The following CNTLN variants were observed in gnomAD, a reference collection of about 807,000 sequenced individuals.
The protein encoded by CNTLN is centlein.
A neutral mutation model predicts 180.0 loss-of-function variants in CNTLN; 212 were observed. The ratio of observed to expected loss-of-function variants is 1.18; its 90% CI spans 1.05 to 1.32. The LOEUF (loss-of-function observed/expected upper bound fraction) is 1.32. Among genes scored for constraint, CNTLN ranks in the 40% most tolerant of loss-of-function variants. The pLI is 0.00. For synonymous variants in CNTLN, 722 were observed against 563.1 expected (o/e 1.28, Z -3.99); for missense variants, 2,095 against 1,610.9 (o/e 1.30, Z -5.14).
At chr9:17,306,402 G>T (rs1178718433) in intron 7 of CNTLN, among the ~76,000 whole-genome samples, 3 of 152,182 alleles carry the variant, frequency 2.0e-5, no homozygotes, top group Non-Finnish European at 2.9e-5. Flanking sequence ...GCCAGCCTCG[G>T]TCTCCCAAAG....
chr9:17,412,779 G>T (rs1827947497), intron 16 of CNTLN, among the ~76,000 whole-genome samples: 1 of 152,104 alleles, frequency 6.6e-6, no homozygotes, highest in African/African-American at 2.4e-5. Flanking sequence ...GATACCCATT[G>T]TATGTCAGGA....
chr9:17,487,318 C>T (rs1423040998), intron 25 of CNTLN: 2 of 447,724 alleles, frequency 4.5e-6, no homozygotes, highest in Non-Finnish European at 8.0e-6. Context: ...TTGAGTCAAC[C>T]TCTGTGCTTG....
At chr9:17,163,789 C>T (rs1449629148) in intron 2 of CNTLN, among the ~76,000 whole-genome samples, 7 of 152,058 alleles carry the variant, frequency 4.6e-5, no homozygotes, top group African/African-American at 1.2e-4. Flanking sequence ...GCACTTTGGG[C>T]GGCTGAGGCA....
intron 2 of CNTLN, among the ~76,000 whole-genome samples, chr9:17,144,836 A>AT (rs1846393384): frequency 1.3e-5 from 2 of 149,402 alleles, no homozygotes; most frequent in African/African-American, 2.5e-5. Flanking sequence ...TATTTTTTTT[A>AT]TTTTATTTTT....
intron 8 of CNTLN, among the ~76,000 whole-genome samples, chr9:17,312,307 T>C (rs1490176549): frequency 1.4e-5 from 2 of 145,810 alleles, no homozygotes; most frequent in African/African-American, 2.5e-5. Context: ...CTACTTCCAT[T>C]GTGGTCACAG....
chr9:17,144,554 G>C (rs1818317356), intron 2 of CNTLN, among the ~76,000 whole-genome samples: 1 of 151,322 alleles, frequency 6.6e-6, no homozygotes, highest in South Asian at 2.1e-4. Context: ...CTTTTCTCTT[G>C]GTTAAACAGA....
chr9:17,135,980 G>A (rs915011486), intron 1 of CNTLN, among the ~76,000 whole-genome samples: 1 of 151,768 alleles, frequency 6.6e-6, no homozygotes, highest in African/African-American at 2.4e-5. Context: ...CTTGGTACTT[G>A]TTTATTAACC....
chr9:17,423,791 G>A (rs182284330), intron 18 of CNTLN, among the ~76,000 whole-genome samples: 1 of 152,068 alleles, frequency 6.6e-6, no homozygotes, highest in Non-Finnish European at 1.5e-5. Context: ...GCAGAATTCC[G>A]CCTTGTGTTG....
intron 2 of CNTLN, among the ~76,000 whole-genome samples, chr9:17,147,071 T>C (rs1818506036): frequency 6.6e-6 from 1 of 152,198 alleles, no homozygotes; most frequent in Admixed American, 6.5e-5. Context: ...GGGTTTGCTT[T>C]GTGTTTTTTG....
At chr9:17,180,947 G>T (rs537400195) in intron 2 of CNTLN, among the ~76,000 whole-genome samples, 1 of 152,002 alleles carries the variant, frequency 6.6e-6, no homozygotes, top group East Asian at 1.9e-4. Flanking sequence ...AGGTAATAAT[G>T]GTATTTCTGT....
intron 18 of CNTLN, chr9:17,447,263 A>G (rs545438257): frequency 3.7e-4 from 77 of 210,530 alleles, no homozygotes; most frequent in African/African-American, 1.7e-3. Context: ...AAGCCTAAAG[A>G]CAATCCTGGT....
At chr9:17,242,999 T>G (rs2132212095) in intron 5 of CNTLN, among the ~76,000 whole-genome samples, 2 of 152,294 alleles carry the variant, frequency 1.3e-5, no homozygotes, top group African/African-American at 4.8e-5. Flanking sequence ...TTAATAAGGC[T>G]TCAGTCTCAT....
chr9:17,249,593 C>A (rs1206426680), intron 5 of CNTLN, among the ~76,000 whole-genome samples: 8 of 152,086 alleles, frequency 5.3e-5, no homozygotes, highest in Non-Finnish European at 1.2e-4. Flanking sequence ...TCATGATCTG[C>A]CTTCCTCGGC....
chr9:17,360,893 CTGT>C (rs1490199643), intron 12 of CNTLN, among the ~76,000 whole-genome samples: 2 of 152,016 alleles, frequency 1.3e-5, no homozygotes, highest in Non-Finnish European at 2.9e-5. Context: ...ATTTGTTTTG[CTGT>C]TGTTGGGTAT....
chr9:17,217,016 C>T (rs958612817), intron 2 of CNTLN, among the ~76,000 whole-genome samples: 9 of 152,224 alleles, frequency 5.9e-5, no homozygotes, highest in African/African-American at 1.9e-4. Context: ...TGGGAACTAA[C>T]TGAAAGGTGT....
chr9:17,282,634 G>A (rs1182718730), intron 6 of CNTLN, among the ~76,000 whole-genome samples: 1 of 152,106 alleles, frequency 6.6e-6, no homozygotes, highest in Non-Finnish European at 1.5e-5. Context: ...AATTGCTTTT[G>A]ATGTTTTTGT....
chr9:17,152,415 T>G (rs182506965), intron 2 of CNTLN, among the ~76,000 whole-genome samples: 294 of 152,266 alleles, frequency 1.9e-3, no homozygotes, highest in African/African-American at 6.7e-3. Flanking sequence ...ATTTCGTTAT[T>G]TACCCAGTAG....
intron 5 of CNTLN, among the ~76,000 whole-genome samples, chr9:17,272,118 C>A (rs1248918695): frequency 2.1e-5 from 3 of 140,736 alleles, no homozygotes; most frequent in Non-Finnish European, 4.6e-5. Flanking sequence ...CCCTCCCTTC[C>A]TTCCTTTCTT....
chr9:17,402,831 C>G (rs191616728), intron 15 of CNTLN, among the ~76,000 whole-genome samples: 1 of 151,886 alleles, frequency 6.6e-6, no homozygotes, highest in East Asian at 1.9e-4. Context: ...TCCTGAGTCT[C>G]TAGCCTACTG....
Sources: gnomAD v4.1 joint callset for allele counts (sites outside exome capture counted in the v4.1 genomes callset) on GRCh38, gnomAD v4.1.1 for gene constraint, MANE v1.5 for transcripts, NCBI Gene and HGNC (gene_info 2026-07-23, HGNC 2026-07-21) for gene names.